Variants in NRXN2 observed in about 807,000 individuals in gnomAD.
NRXN2 encodes the protein neurexin 2.
In NRXN2, 29 loss-of-function variants were observed where a neutral mutation model predicts 128.8. The observed-to-expected ratio is 0.23, with a 90% CI of 0.17 to 0.31. The LOEUF (loss-of-function observed/expected upper bound fraction) is 0.31. Ranked by LOEUF, NRXN2 falls within the 10% of genes least tolerant of loss-of-function variation. The probability of loss-of-function intolerance (pLI) is 1.00; values close to 1 mark genes in which losing one functional copy is unlikely to be tolerated. For synonymous variants in NRXN2, 1,098 were observed against 1,075.2 expected (o/e 1.02, Z -0.41); for missense variants, 1,881 against 2,452.6 (o/e 0.77, Z 4.92).
intron 7 of NRXN2, 103 bp downstream of exon 7, chr11:64,676,890 C>A: frequency 1.1e-6 from 1 of 944,828 alleles, no homozygotes. Context: ...AAGAGCAAAA[C>A]AACCAAAAAA....
At chr11:64,698,802 C>T (rs1237059406) in intron 2 of NRXN2, among the ~76,000 whole-genome samples, 1 of 152,236 alleles carries the variant, frequency 6.6e-6, no homozygotes, top group Admixed American at 6.5e-5. Context: ...GCTACAACTC[C>T]TCAAGCAGGT....
chr11:64,644,973 C>G (rs1456804654), intron 17 of NRXN2, among the ~76,000 whole-genome samples: 2 of 152,204 alleles, frequency 1.3e-5, no homozygotes, highest in Non-Finnish European at 2.9e-5. Context: ...TCCTCCATCC[C>G]TACTACATGC....
chr11:64,655,626 C>T (rs2048159004), intron 11 of NRXN2, among the ~76,000 whole-genome samples: 1 of 152,178 alleles, frequency 6.6e-6, no homozygotes, highest in African/African-American at 2.4e-5. Flanking sequence ...CTTGATTCTT[C>T]TCCTTCCCCA....
intron 7 of NRXN2, among the ~76,000 whole-genome samples, chr11:64,673,310 C>A (rs2135527822): frequency 6.6e-6 from 1 of 152,354 alleles, no homozygotes; most frequent in East Asian, 1.9e-4. Context: ...AACTTCTCAA[C>A]CTTCTCAAGG....
Position 64,720,382 on chromosome 11 carries a change from G to A in NRXN2, c.-245+2589C>T, listed in dbSNP as rs1035746924. 2.0e-5 allele frequency among the ~76,000 whole-genome samples: 3 copies of A among 152,252 alleles called. 1 individual carries two copies. In the South Asian group the frequency reaches 6.2e-4, roughly 31 times the overall value. On this transcript the variant is annotated intron_variant, in intron 1 of 22. Transcript: ENST00000265459. ...ACACACAATCGGGGCATCCCCGTGGGGGCTGGGCTTGGGAGCTGCGAATGA... is the reference window on the plus strand; with the variant it reads ...ACACACAATCGGGGCATCCCCGTGGAGGCTGGGCTTGGGAGCTGCGAATGA...
intron 17 of NRXN2, among the ~76,000 whole-genome samples, chr11:64,638,302 C>T (rs888611061): frequency 6.6e-6 from 1 of 152,248 alleles, no homozygotes; most frequent in Admixed American, 6.5e-5. Context: ...CGGAGAGACA[C>T]TTCTTGGGCA....
At chr11:64,650,969 G>A (rs1000176162) in intron 14 of NRXN2, among the ~76,000 whole-genome samples, 2 of 152,162 alleles carry the variant, frequency 1.3e-5, no homozygotes, top group South Asian at 2.1e-4. Flanking sequence ...CTAAGGCAAC[G>A]GAGGGGCAAG....
At chr11:64,672,727 AG>A (rs57915588) in intron 7 of NRXN2, among the ~76,000 whole-genome samples, 17,421 of 152,136 alleles carry the variant, frequency 0.11, 1,330 homozygotes, top group East Asian at 0.18. Context: ...AGAGGAAGAA[AG>A]GGTCTCCAGG....
At chr11:64,698,695 C>A (rs1039017821) in intron 2 of NRXN2, among the ~76,000 whole-genome samples, 1 of 152,250 alleles carries the variant, frequency 6.6e-6, no homozygotes, top group Admixed American at 6.5e-5. Flanking sequence ...CAGACCTCAC[C>A]TATTAGGGCC....
chr11:64,690,270 A>G (rs541761794), intron 5 of NRXN2, 135 bp downstream of exon 5: 12 of 771,808 alleles, frequency 1.6e-5, no homozygotes, highest in Non-Finnish European at 2.7e-5. Context: ...CTCGGGGAGC[A>G]GACCCATCAC....
chr11:64,676,320 C>G (rs1300116593), intron 7 of NRXN2: 1 of 152,904 alleles, frequency 6.5e-6, no homozygotes, highest in East Asian at 1.9e-4. Flanking sequence ...GCACCTTTCC[C>G]AGAGCAGCCA....
chr11:64,669,838 G>A (rs1265416052), intron 7 of NRXN2, among the ~76,000 whole-genome samples: 2 of 152,224 alleles, frequency 1.3e-5, no homozygotes, highest in Non-Finnish European at 2.9e-5. Flanking sequence ...GGGTCAACAG[G>A]AAGCTGGCTC....
At position 64,631,791 on chromosome 11, in the gene NRXN2, G is replaced by A. The variant is rs992674929; in HGVS notation, c.3586-1218C>T. ...CTGAGGCCTACCTTCAACACCAAAGGCATCTAACCAAGCCAACGAAGGCCC... is the reference window on the plus strand; with the variant it reads ...CTGAGGCCTACCTTCAACACCAAAGACATCTAACCAAGCCAACGAAGGCCC... On this transcript the variant is annotated intron_variant, in intron 18 of 22. Transcript: ENST00000265459. The surrounding 1 kb of genome is among the most constrained non-coding windows in gnomAD (Gnocchi z 4.8). 6.6e-6 allele frequency among the ~76,000 whole-genome samples: 1 copy of A among 152,048 alleles called. No homozygotes were observed. The highest frequency in any genetic ancestry group is 2.4e-5 in the African/African-American group (1 of 41,362).
At chr11:64,642,061 G>A (rs1410988179) in intron 17 of NRXN2, among the ~76,000 whole-genome samples, 1 of 152,056 alleles carries the variant, frequency 6.6e-6, no homozygotes, top group Non-Finnish European at 1.5e-5. Context: ...GACAGAGGTG[G>A]GAGAGAGGTG....
rs754851868 is a variant in NRXN2, at chr11:64,648,794, G to A, written c.3223C>T (p.Leu1075Phe). ...CLASVDLNGRLPDLIADALHR... is the reference protein window; with the variant it reads ...CLASVDLNGRFPDLIADALHR... ...AGGGCGTCGGCGATGAGGTCTGGGA[G>A]ACGTCCGTTGAGGTCCACTGAGGCC... The change falls in exon 16 of 23, where the codon CTC becomes TTC. Residue 1075 changes from leucine (L) to phenylalanine (F), a missense_variant. Transcript: ENST00000265459. This position sits in a 1 kb window ranked among gnomAD's most constrained non-coding sequence, Gnocchi z 4.1. The A allele has an allele frequency of 6.2e-7, 1 of 1,614,198 alleles. No homozygotes were observed. The highest frequency in any genetic ancestry group is 8.5e-7 in the Non-Finnish European group (1 of 1,180,016).
intron 7 of NRXN2, among the ~76,000 whole-genome samples, chr11:64,671,046 G>C (rs1376083718): frequency 6.6e-6 from 1 of 152,206 alleles, no homozygotes; most frequent in Non-Finnish European, 1.5e-5. Flanking sequence ...GTGTGGGGTA[G>C]AGAAGAGGAA....
chr11:64,715,343 CA>C (rs979775704), intron 1 of NRXN2, among the ~76,000 whole-genome samples: 2 of 152,144 alleles, frequency 1.3e-5, no homozygotes, highest in African/African-American at 4.8e-5. Flanking sequence ...GACTCAGATC[CA>C]AGTCTGCTCG....
intron 2 of NRXN2, among the ~76,000 whole-genome samples, chr11:64,711,639 C>T (rs1209436381): frequency 6.6e-6 from 1 of 152,144 alleles, no homozygotes; most frequent in African/African-American, 2.4e-5. Flanking sequence ...CTCTCCCAAG[C>T]GCCATTCCAT....
At chr11:64,666,118 T>C (rs1201545642) in intron 9 of NRXN2, among the ~76,000 whole-genome samples, 2 of 152,082 alleles carry the variant, frequency 1.3e-5, no homozygotes. Flanking sequence ...CAAGATCGTC[T>C]CTTTAGTTTC....
Sources: gnomAD v4.1 joint callset for allele counts (sites outside exome capture counted in the v4.1 genomes callset) on GRCh38, gnomAD v4.1.1 for gene constraint, Gnocchi (gnomAD v3.1) non-coding constraint, MANE v1.5 for transcripts, NCBI Gene and HGNC (gene_info 2026-07-23, HGNC 2026-07-21) for gene names.